The following MAML3 variants were observed in gnomAD, a reference collection of about 807,000 sequenced individuals.
MAML3 encodes the protein mastermind-like protein 3.
Under a neutral mutation model 101.9 loss-of-function variants are expected in MAML3, and 27 were observed. The ratio of observed to expected loss-of-function variants is 0.27; its 90% confidence interval spans 0.20 to 0.37. The LOEUF (loss-of-function observed/expected upper bound fraction) is 0.37. Among genes scored for constraint, MAML3 ranks in the 10% least tolerant of loss-of-function variants. The pLI, the probability that MAML3 is intolerant of heterozygous loss-of-function variation, is 1.00. For synonymous variants in MAML3, 501 were observed against 555.9 expected (o/e 0.90, Z 1.39); for missense variants, 1,316 against 1,444.9 (o/e 0.91, Z 1.45).
chr4:139,833,939 T>C (rs1271866465), intron 2 of MAML3, among the ~76,000 whole-genome samples: 2 of 150,798 alleles, frequency 1.3e-5, no homozygotes, highest in Admixed American at 1.3e-4. Flanking sequence ...TCCTGAAGAG[T>C]GGGAAGAAAT....
At chr4:140,050,673 T>C (rs1428989405) in intron 1 of MAML3, among the ~76,000 whole-genome samples, 1 of 152,114 alleles carries the variant, frequency 6.6e-6, no homozygotes, top group African/African-American at 2.4e-5. Context: ...TCTGAACCTA[T>C]AAATCAGGGC....
At chr4:140,093,060 T>A (rs1174192341) in intron 1 of MAML3, among the ~76,000 whole-genome samples, 1 of 152,140 alleles carries the variant, frequency 6.6e-6, no homozygotes, top group African/African-American at 2.4e-5. Context: ...ACTTTATAGG[T>A]CTCGCTGCTC....
intron 2 of MAML3, among the ~76,000 whole-genome samples, chr4:139,858,724 C>A (rs533829845): frequency 1.3e-5 from 2 of 152,104 alleles, no homozygotes; most frequent in Non-Finnish European, 2.9e-5. Flanking sequence ...TGCTCCCGAC[C>A]GCTCTGTGAT....
At chr4:140,104,706 T>C (rs1459928400) in intron 1 of MAML3, among the ~76,000 whole-genome samples, 1 of 151,582 alleles carries the variant, frequency 6.6e-6, no homozygotes, top group African/African-American at 2.4e-5. Context: ...TTGCCCAGGC[T>C]GGTCTCAAAC....
intron 1 of MAML3, among the ~76,000 whole-genome samples, chr4:139,902,511 C>T (rs78211211): frequency 2.6e-5 from 4 of 152,096 alleles, no homozygotes; most frequent in Non-Finnish European, 5.9e-5. Context: ...TTTTTCTCTC[C>T]GGGATGAATC....
At chr4:139,993,667 A>C (rs1251609170) in intron 1 of MAML3, among the ~76,000 whole-genome samples, 2 of 151,832 alleles carry the variant, frequency 1.3e-5, no homozygotes, top group Admixed American at 6.6e-5. Flanking sequence ...CTCTACTAAA[A>C]ATACAAAAAA....
At chr4:140,122,875 A>G (rs1277207338) in intron 1 of MAML3, among the ~76,000 whole-genome samples, 3 of 152,022 alleles carry the variant, frequency 2.0e-5, no homozygotes, top group Non-Finnish European at 4.4e-5. Context: ...GTTAACTTGA[A>G]GTAAATATCT....
intron 1 of MAML3, among the ~76,000 whole-genome samples, chr4:140,098,144 A>G (rs1728192213): frequency 6.6e-6 from 1 of 152,200 alleles, no homozygotes; most frequent in African/African-American, 2.4e-5. Context: ...GAGAACTTCT[A>G]TTTTGCATAT....
At chr4:139,824,442 A>G (rs1420599886) in intron 2 of MAML3, among the ~76,000 whole-genome samples, 3 of 152,172 alleles carry the variant, frequency 2.0e-5, no homozygotes, top group Non-Finnish European at 4.4e-5. Flanking sequence ...GTAACTATAT[A>G]ATTTTTCACC....
At chr4:139,862,449 A>G (rs11100314) in intron 2 of MAML3, among the ~76,000 whole-genome samples, 83,465 of 152,108 alleles carry the variant, frequency 0.55, 25,780 homozygotes, top group African/African-American at 0.83. Flanking sequence ...CATCCAGCTC[A>G]CTGTCTCGGA....
intron 2 of MAML3, among the ~76,000 whole-genome samples, chr4:139,780,265 G>T (rs1730174300): frequency 6.6e-6 from 1 of 152,116 alleles, no homozygotes; most frequent in African/African-American, 2.4e-5. Context: ...AACTCAATTG[G>T]TGCCAGGAGG....
At chr4:139,726,979 TATTC>T (rs1280357698) in intron 3 of MAML3, among the ~76,000 whole-genome samples, 1 of 152,240 alleles carries the variant, frequency 6.6e-6, no homozygotes, top group African/African-American at 2.4e-5. Context: ...AGCTGCTGAA[TATTC>T]ATTAAGCACC....
chr4:139,953,413 G>A (rs541809096), intron 1 of MAML3, among the ~76,000 whole-genome samples: 1 of 152,288 alleles, frequency 6.6e-6, no homozygotes, highest in Non-Finnish European at 1.5e-5. Context: ...ATCACTTGAG[G>A]TCAGGAGTTT....
chr4:139,877,826 G>A (rs1732143569), intron 2 of MAML3, among the ~76,000 whole-genome samples: 1 of 152,126 alleles, frequency 6.6e-6, no homozygotes, highest in African/African-American at 2.4e-5. Context: ...TAAATATACT[G>A]TAAATAAGAT....
chr4:139,783,065 G>C (rs1730244805), intron 2 of MAML3, among the ~76,000 whole-genome samples: 1 of 152,104 alleles, frequency 6.6e-6, no homozygotes, highest in Non-Finnish European at 1.5e-5. Context: ...TTTAGCTGCA[G>C]CTCCAGCAGG....
intron 1 of MAML3, among the ~76,000 whole-genome samples, chr4:139,928,194 C>T (rs532663263): frequency 7.2e-5 from 11 of 152,186 alleles, no homozygotes; most frequent in African/African-American, 1.4e-4. Context: ...TCCATCAATG[C>T]GATACCTCTA....
intron 1 of MAML3, among the ~76,000 whole-genome samples, chr4:140,050,658 T>A (rs761716270): frequency 3.3e-5 from 5 of 152,204 alleles, no homozygotes; most frequent in Non-Finnish European, 4.4e-5. Flanking sequence ...ATTCTAAGGA[T>A]GGCCTCTGAA....
At chr4:139,903,973 G>A (rs934907516) in intron 1 of MAML3, among the ~76,000 whole-genome samples, 7 of 152,174 alleles carry the variant, frequency 4.6e-5, no homozygotes, top group African/African-American at 1.7e-4. Context: ...CAAAGGGAAA[G>A]GCCTAAGCTA....
At chr4:140,001,986 T>C (rs1006291590) in intron 1 of MAML3, among the ~76,000 whole-genome samples, 1 of 152,258 alleles carries the variant, frequency 6.6e-6, no homozygotes, top group Admixed American at 6.5e-5. Flanking sequence ...TTTTGAAATA[T>C]GTATACACTA....
Sources: allele counts gnomAD v4.1 joint callset (sites outside exome capture counted in the v4.1 genomes callset), GRCh38; gene constraint gnomAD v4.1.1; transcripts MANE v1.5; gene names NCBI Gene and HGNC (gene_info 2026-07-23, HGNC 2026-07-21).